Variants in COX11 observed in about 807,000 individuals in gnomAD.
COX11 encodes the protein cytochrome c oxidase copper chaperone COX11.
In COX11, 18 loss-of-function variants were observed where a neutral mutation model predicts 29.4. That is an observed-to-expected ratio of 0.61 (90% CI 0.42 to 0.91). The LOEUF is 0.91. Ranked by LOEUF, COX11 falls within the 40% of genes least tolerant of loss-of-function variation. COX11 has a pLI of 0.00. For synonymous variants in COX11, 131 were observed against 124.0 expected, an observed-to-expected ratio of 1.06 and a Z score of -0.38; for missense variants, 312 against 346.0, an observed-to-expected ratio of 0.90 and a Z score of 0.78.
At position 54,962,508 on chromosome 17, in the gene COX11, G is replaced by A; in HGVS notation, c.*225C>T. On this transcript the variant is annotated 3_prime_UTR_variant, in exon 4 of 4. Coordinates refer to ENST00000299335, the MANE Select transcript of COX11 (RefSeq NM_004375.5). The stretch of plus-strand genomic sequence containing the variant: ...TATTTTAATAGTATCAAACTCTTCA[G>A]TATGGTATTGAATAGTCAGTCATAT... 4 of 1,200,394 alleles carry A rather than the reference G, an allele frequency of 3.3e-6. No homozygotes were observed. The highest frequency in any genetic ancestry group is 4.1e-6 in the Non-Finnish European group (4 of 968,442). The allele number at this position is 1,200,394 out of a possible 1,614,324, so 74.4% of individuals were successfully genotyped here. A position where few individuals can be genotyped will look rare whatever the true frequency, so the allele number is the denominator to read the frequency against.
rs1328816632 is a variant in COX11, at chr17:54,962,746, G to A, written c.818C>T (p.Pro273Leu). ...EAKEGHKLPV[P>L]GYN ...TAGTTGCTGACTTCAATTATATCCT[G>A]GAACTGGCAACTTGTGCCCTTCCTT... is the stretch of plus-strand genomic sequence containing the variant. The change falls in exon 4 of 4, where the codon CCA becomes CTA. Residue 273 changes from proline to leucine, a missense_variant. This residue lies in a region of COX11 where 182 missense variants were observed against 240.0 expected (regional missense o/e 0.76). Coordinates refer to ENST00000299335, the MANE Select transcript of COX11 (RefSeq NM_004375.5). 11 of 1,611,072 alleles carry A rather than the reference G, an allele frequency of 6.8e-6. No individual in the cohort carries two copies. Among genetic ancestry groups the A allele is most frequent in the South Asian group, 1.1e-5 (1 of 90,450 alleles).
At chr17:54,953,472 T>C (rs1225153991) in exon 1 of COX11, 1 of 152,346 alleles carries the variant, frequency 6.6e-6, no homozygotes, top group East Asian at 1.9e-4. Flanking sequence ...GGGAGCCCCA[T>C]GTCCCCATCC....
Position 54,968,624 on chromosome 17 carries a change from C to A in COX11, c.23G>T (p.Gly8Val), listed in dbSNP as rs771416813. The change falls in exon 1 of 4, where the codon GGA becomes GTA. Residue 8 changes from glycine to valine, a missense_variant. Gly to Val is a moderately radical substitution (Grantham distance 109). Transcript: ENST00000299335. ...GCCACAGAAAGGAACGCACCTCCAT[C>A]CAGGACGCCAGAGCCCTCCCATAAC... MGGLWRP[G>V]WRCVPFCGWR... The A allele has an allele frequency of 1.2e-6, 2 of 1,612,650 alleles. No homozygotes were observed. The highest frequency in any genetic ancestry group is 1.3e-5 in the African/African-American group (1 of 74,888).
chr17:54,963,006 ACTT>A (rs1273039127), intron 3 of COX11, 91 bp from the exon 4 acceptor site: 1 of 1,149,340 alleles, frequency 8.7e-7, no homozygotes, highest in African/African-American at 1.6e-5. Context: ...ATTCCAGTAC[ACTT>A]CGTGATTTTA....
chr17:54,963,078 A>G (rs941298092), intron 3 of COX11, 163 bp from the exon 4 acceptor site: 6 of 787,150 alleles, frequency 7.6e-6, no homozygotes, highest in African/African-American at 5.3e-5. Context: ...TTTCATCTCA[A>G]TGAGTTCTGC....
rs77639133 is a variant in COX11, at chr17:54,966,107, G to A, written c.367-1255C>T. ...CATCAGAGGGCAAGCCTTTATCCTT[G>A]TTTATCCTTCTGCCTGAGTGCTGTG... On this transcript the variant is annotated intron_variant, in intron 1 of 3. Transcript: ENST00000299335. Among the ~76,000 whole-genome samples the A allele has an allele frequency of 2.6e-3, 394 of 152,248 alleles. 1 individual carries two copies. Among genetic ancestry groups the A allele is most frequent in the Middle Eastern group, 6.8e-3 (2 of 294 alleles).
At chr17:54,953,599 T>C (rs1037589369) in exon 1 of COX11, 3 of 152,198 alleles carry the variant, frequency 2.0e-5, no homozygotes, top group Non-Finnish European at 4.4e-5. Flanking sequence ...CCAGTAAGCA[T>C]ATTGTTTGGG....
At chr17:54,955,707 A>G (rs2049466351), downstream of COX11, among the ~76,000 whole-genome samples, 2 of 152,178 alleles carry the variant, frequency 1.3e-5, no homozygotes, top group South Asian at 2.1e-4. Flanking sequence ...GACCTGAAAG[A>G]AGGAACTTCT....
downstream of COX11, among the ~76,000 whole-genome samples, chr17:54,959,791 G>GT (rs1567851698): frequency 6.6e-6 from 1 of 151,802 alleles, no homozygotes; most frequent in Admixed American, 6.6e-5. Flanking sequence ...TAATTTTTAT[G>GT]TTTTTTGTAG....
rs974496987 is a variant in COX11 at position 54,960,476 on chromosome 17, C to G, written c.*2257G>C. 1.1e-6 allele frequency: 1 copy of G among 933,430 alleles called. No homozygotes were observed. The highest frequency in any genetic ancestry group is 1.3e-5 in the South Asian group (1 of 75,334). 57.8% of individuals were successfully genotyped at this position (933,430 alleles called of 1,614,324 possible). On this transcript the variant is annotated 3_prime_UTR_variant, in exon 4 of 4. Transcript: ENST00000299335. Reference sequence around the variant, plus strand: ...TGTAGCCTGAACTCCAAAACCAGCTCAATTTTTAATTACAGTGCTGGCAGT... The same window carrying G: ...TGTAGCCTGAACTCCAAAACCAGCTGAATTTTTAATTACAGTGCTGGCAGT...
rs2077116049 is a variant in COX11, at chr17:54,961,209, T to C, written c.*1524A>G. 6 of 1,408,290 alleles carry C rather than the reference T, an allele frequency of 4.3e-6. No individual in the cohort carries two copies. The highest frequency in any genetic ancestry group is 1.7e-4 in the Middle Eastern group (1 of 5,760). The allele number at this position is 1,408,290 out of a possible 1,614,324, so 87.2% of individuals were successfully genotyped here. On this transcript the variant is annotated 3_prime_UTR_variant, in exon 4 of 4. Coordinates refer to ENST00000299335, the MANE Select transcript of COX11 (RefSeq NM_004375.5). ...GGAAAGAGAAGGACAGGATGAATAC[T>C]GGCCATTTTCTTCTCTTTATTTTAG...
At chr17:54,962,942 AC>A in intron 3 of COX11, 27 bp from the exon 4 acceptor site, 1 of 1,576,198 alleles carries the variant, frequency 6.3e-7, no homozygotes, top group East Asian at 2.2e-5. Flanking sequence ...GATTTTAATA[AC>A]ATTTCTATTC....
chr17:54,965,503 G>C (rs1467191058), intron 1 of COX11, among the ~76,000 whole-genome samples: 2 of 152,128 alleles, frequency 1.3e-5, no homozygotes, highest in African/African-American at 4.8e-5. Flanking sequence ...AGGGCATCAA[G>C]AGTATTTATG....
downstream of COX11, among the ~76,000 whole-genome samples, chr17:54,958,777 G>C (rs2077027621): frequency 6.7e-6 from 1 of 149,590 alleles, no homozygotes; most frequent in Non-Finnish European, 1.5e-5. Context: ...AGGATACTAA[G>C]GCATTTACTA....
rs2077149010 is a variant in COX11 at position 54,962,591 on chromosome 17, T to A, written c.*142A>T. On this transcript the variant is annotated 3_prime_UTR_variant, in exon 4 of 4. Transcript: ENST00000299335. Reference sequence around the variant, plus strand: ...AAAGCTGAACTTGTTCTCTCAAGTTTAAGTGAAAAAAATTAGTTGAGAAAA... The same window carrying A: ...AAAGCTGAACTTGTTCTCTCAAGTTAAAGTGAAAAAAATTAGTTGAGAAAA... 8.9e-6 allele frequency: 12 copies of A among 1,350,238 alleles called. No homozygotes were observed. Among genetic ancestry groups the A allele is most frequent in the Non-Finnish European group, 1.1e-5 (12 of 1,048,674 alleles). The allele number at this position is 1,350,238 out of a possible 1,614,324, so 83.6% of individuals were successfully genotyped here.
downstream of COX11, among the ~76,000 whole-genome samples, chr17:54,958,987 TGAA>T (rs564467424): frequency 8.7e-4 from 133 of 152,228 alleles, no homozygotes; most frequent in African/African-American, 3.0e-3. Flanking sequence ...ACAATACAAA[TGAA>T]GATAAACTTG....
At position 54,962,670 on chromosome 17, in the gene COX11, A is replaced by G; in HGVS notation, c.*63T>C. 5.8e-6 allele frequency: 9 copies of G among 1,549,468 alleles called. No individual in the cohort carries two copies. Among genetic ancestry groups the G allele is most frequent in the Non-Finnish European group, 7.8e-6 (9 of 1,149,542 alleles). The stretch of plus-strand genomic sequence containing the variant: ...ATTATTGTACAATATTTCTCCTTTG[A>G]GAAGATAGGATATATGATTTTCCCA... On this transcript the variant is annotated 3_prime_UTR_variant, in exon 4 of 4. Coordinates refer to ENST00000299335, the MANE Select transcript of COX11 (RefSeq NM_004375.5).
At position 54,968,634 on chromosome 17, in the gene COX11, A is replaced by T. The variant is rs1220325194; in HGVS notation, c.13T>A (p.Trp5Arg). 3.1e-6 allele frequency: 5 copies of T among 1,612,534 alleles called. No homozygotes were observed. Among genetic ancestry groups the T allele is most frequent in the East Asian group, 2.2e-5 (1 of 44,828 alleles). MGGL[W>R]RPGWRCVPFC... ...GGAACGCACCTCCATCCAGGACGCC[A>T]GAGCCCTCCCATAACCCTCTGAACT... The change falls in exon 1 of 4, where the codon TGG (tryptophan) becomes AGG (arginine). Residue 5 changes from tryptophan (W) to arginine (R), a missense_variant. Trp to Arg is a moderately radical substitution (Grantham distance 101, BLOSUM62 -3). Transcript: ENST00000299335.
At chr17:54,966,015 G>C (rs1057441555) in intron 1 of COX11, among the ~76,000 whole-genome samples, 3 of 152,148 alleles carry the variant, frequency 2.0e-5, no homozygotes, top group African/African-American at 4.8e-5. Flanking sequence ...TGTTTGTTAC[G>C]CAAGTCAACT....
Sources: allele counts gnomAD v4.1 joint callset (sites outside exome capture counted in the v4.1 genomes callset), GRCh38; gene constraint gnomAD v4.1.1; regional missense constraint gnomAD v4.1.1; transcripts MANE v1.5; gene names NCBI Gene and HGNC (gene_info 2026-07-23, HGNC 2026-07-21).